TRPS1: variants seen among roughly 807,000 people sequenced by gnomAD.
The protein encoded by TRPS1 is zinc finger transcription factor Trps1.
TRPS1 carries 6 observed loss-of-function variants against 101.2 expected under a neutral mutation model. That is an observed-to-expected ratio of 0.06 (90% CI 0.03 to 0.12). The LOEUF (loss-of-function observed/expected upper bound fraction) is 0.12, where lower values mean the gene tolerates loss of function less well. Ranked by LOEUF, TRPS1 falls within the 10% of genes least tolerant of loss-of-function variation. The pLI is 1.00. For synonymous variants in TRPS1, 578 were observed against 589.8 expected, an observed-to-expected ratio of 0.98 and a Z score of 0.29; for missense variants, 1,363 against 1,567.0, an observed-to-expected ratio of 0.87 and a Z score of 2.20.
Position 115,619,928 on chromosome 8 carries a change from T to C in TRPS1, c.170A>G (p.Glu57Gly), listed in dbSNP as rs201770819. The C allele has an allele frequency of 3.6e-4, 588 of 1,614,104 alleles. No homozygotes were observed. Among genetic ancestry groups the C allele is most frequent in the South Asian group, 9.3e-4 (85 of 91,094 alleles). ...TGCAGCATCACTCTGATCCGTATTTTCTGACATCTGATCTGCAGAAAATTC... is the reference window on the plus strand; with the variant it reads ...TGCAGCATCACTCTGATCCGTATTTCCTGACATCTGATCTGCAGAAAATTC... Reference protein sequence around the residue: ...NKEFSADQMSENTDQSDAAEL... With the variant: ...NKEFSADQMSGNTDQSDAAEL... Residue 57 changes from glutamate (E) to glycine (G), a missense_variant, in exon 3 of 7, where the codon GAA (glutamate) becomes GGA (glycine). Transcript: ENST00000395715.
intron 5 of TRPS1, among the ~76,000 whole-genome samples, chr8:115,457,190 G>T (rs1814049445): frequency 6.6e-6 from 1 of 152,162 alleles, no homozygotes; most frequent in South Asian, 2.1e-4. Context: ...AATTTAGACT[G>T]ATTAGAAAAA....
chr8:115,554,374 C>T (rs999901812), intron 5 of TRPS1, among the ~76,000 whole-genome samples: 4 of 152,180 alleles, frequency 2.6e-5, no homozygotes, highest in African/African-American at 9.7e-5. Flanking sequence ...GGCCCCACCT[C>T]ATACCAAAGA....
At chr8:115,479,958 C>A (rs1042656221) in intron 5 of TRPS1, among the ~76,000 whole-genome samples, 4 of 152,098 alleles carry the variant, frequency 2.6e-5, no homozygotes, top group Admixed American at 2.6e-4. Context: ...TGGTTTTTTA[C>A]TTCCCAATGA....
chr8:115,615,589 T>C (rs1818259977), intron 3 of TRPS1, among the ~76,000 whole-genome samples: 1 of 152,038 alleles, frequency 6.6e-6, no homozygotes, highest in South Asian at 2.1e-4. Flanking sequence ...TGAAACCCCG[T>C]CTCTACTAAA....
chr8:115,559,287 G>A (rs907055255), intron 5 of TRPS1, among the ~76,000 whole-genome samples: 1 of 152,080 alleles, frequency 6.6e-6, no homozygotes, highest in Non-Finnish European at 1.5e-5. Context: ...TGATACAAAA[G>A]TGAGAGTACA....
chr8:115,446,385 T>C (rs1813737835), intron 5 of TRPS1, among the ~76,000 whole-genome samples: 1 of 151,906 alleles, frequency 6.6e-6, no homozygotes, highest in South Asian at 2.1e-4. Context: ...TCTCACACTT[T>C]TCACCTGCAC....
At chr8:115,655,137 G>A (rs1472513081) in intron 1 of TRPS1, among the ~76,000 whole-genome samples, 1 of 152,084 alleles carries the variant, frequency 6.6e-6, no homozygotes, top group Non-Finnish European at 1.5e-5. Flanking sequence ...ATGCTAGAAT[G>A]GATAGTAGCT....
intron 5 of TRPS1, among the ~76,000 whole-genome samples, chr8:115,556,004 G>A (rs1157839228): frequency 2.0e-5 from 3 of 152,010 alleles, no homozygotes; most frequent in East Asian, 1.9e-4. Context: ...CAGCCTGGAC[G>A]ACAGAGACTT....
intron 5 of TRPS1, among the ~76,000 whole-genome samples, chr8:115,503,159 C>A (rs1586340949): frequency 6.7e-6 from 1 of 150,146 alleles, no homozygotes; most frequent in South Asian, 2.1e-4. Flanking sequence ...GAGGCTGAGG[C>A]AGGAGAATGG....
intron 5 of TRPS1, among the ~76,000 whole-genome samples, chr8:115,520,429 T>C (rs1295428327): frequency 1.3e-5 from 2 of 151,846 alleles, no homozygotes; most frequent in South Asian, 2.1e-4. Flanking sequence ...ATTTAACCTG[T>C]TGGGAGATGA....
chr8:115,459,593 A>C (rs2129964544), intron 5 of TRPS1, among the ~76,000 whole-genome samples: 1 of 152,292 alleles, frequency 6.6e-6, no homozygotes, highest in South Asian at 2.1e-4. Flanking sequence ...TAAAACGATG[A>C]TCCCTAAAGA....
At chr8:115,582,100 A>G (rs566494114) in intron 5 of TRPS1, among the ~76,000 whole-genome samples, 12 of 152,292 alleles carry the variant, frequency 7.9e-5, no homozygotes, top group Admixed American at 7.8e-4. Flanking sequence ...TCTCTTTGGT[A>G]TTTTACTTAT....
At chr8:115,614,637 A>G (rs1818239206) in intron 3 of TRPS1, among the ~76,000 whole-genome samples, 1 of 152,232 alleles carries the variant, frequency 6.6e-6, no homozygotes, top group Admixed American at 6.5e-5. Flanking sequence ...TTCATATGCC[A>G]AACATTCTGT....
intron 3 of TRPS1, among the ~76,000 whole-genome samples, chr8:115,610,585 C>A (rs1160183647): frequency 6.6e-6 from 1 of 152,106 alleles, no homozygotes; most frequent in Non-Finnish European, 1.5e-5. Flanking sequence ...ATACAAGAGC[C>A]AACCAACGGC....
intron 5 of TRPS1, among the ~76,000 whole-genome samples, chr8:115,533,439 T>TTTTTTTTTTTTTTTG (rs1816192175): frequency 8.6e-6 from 1 of 116,696 alleles, no homozygotes; most frequent in African/African-American, 4.3e-5. Flanking sequence ...GTAATCTGTT[T>TTTTTTTTTTTTTTTG]TTTTTTTTTT....
intron 5 of TRPS1, among the ~76,000 whole-genome samples, chr8:115,537,075 AC>A (rs919429593): frequency 1.0e-3 from 159 of 152,044 alleles, no homozygotes; most frequent in African/African-American, 3.8e-3. Context: ...CTGTCTCTTC[AC>A]TCTGGTTAGA....
At chr8:115,438,694 C>T (rs556203099) in intron 5 of TRPS1, among the ~76,000 whole-genome samples, 1 of 152,074 alleles carries the variant, frequency 6.6e-6, no homozygotes, top group Non-Finnish European at 1.5e-5. Flanking sequence ...GTAACCTCAT[C>T]GGCTTTGAGA....
intron 5 of TRPS1, among the ~76,000 whole-genome samples, chr8:115,507,883 T>G (rs1815486293): frequency 6.6e-6 from 1 of 152,096 alleles, no homozygotes; most frequent in Non-Finnish European, 1.5e-5. Context: ...ACTGCTTAAG[T>G]CACTAAATTG....
intron 5 of TRPS1, among the ~76,000 whole-genome samples, chr8:115,496,067 T>C (rs961530808): frequency 6.6e-6 from 1 of 152,110 alleles, no homozygotes; most frequent in Non-Finnish European, 1.5e-5. Flanking sequence ...AAAATAAACG[T>C]GTAGCTACAC....
Sources: gnomAD v4.1 joint callset for allele counts (sites outside exome capture counted in the v4.1 genomes callset) on GRCh38, gnomAD v4.1.1 for gene constraint, MANE v1.5 for transcripts, NCBI Gene and HGNC (gene_info 2026-07-23, HGNC 2026-07-21) for gene names.